Variants in FRS2 observed in about 807,000 individuals in gnomAD.
FRS2 encodes the protein fibroblast growth factor receptor substrate 2.
FRS2 carries 8 observed loss-of-function variants against 43.9 expected under a neutral mutation model. That is an observed-to-expected ratio of 0.18 (90% CI 0.11 to 0.33). FRS2 has a LOEUF of 0.33. Among genes scored for constraint, FRS2 ranks in the 10% least tolerant of loss-of-function variants. FRS2 has a pLI of 1.00. For synonymous variants in FRS2, 219 were observed against 220.3 expected, an observed-to-expected ratio of 0.99 and a Z score of 0.05; for missense variants, 534 against 627.6, an observed-to-expected ratio of 0.85 and a Z score of 1.59.
At chr12:69,568,938 GTCTTTT>G in intron 4 of FRS2, 61 bp from the exon 5 acceptor site, 1 of 718,714 alleles carries the variant, frequency 1.4e-6, no homozygotes, top group Non-Finnish European at 2.3e-6. Flanking sequence ...GATTTCTAAA[GTCTTTT>G]TCTGTTTACA....
intron 5 of FRS2, 24 bp from the exon 6 acceptor site, chr12:69,570,307 A>G (rs756299400): frequency 2.1e-5 from 33 of 1,578,182 alleles, no homozygotes; most frequent in Non-Finnish European, 2.9e-5. Context: ...ACATATTTGC[A>G]TGACTGTCAC....
chr12:69,491,156 C>T (rs552110770), intron 1 of FRS2, among the ~76,000 whole-genome samples: 5 of 152,220 alleles, frequency 3.3e-5, no homozygotes, highest in East Asian at 3.9e-4. Context: ...AGTGCAGTGG[C>T]GTAATCTTGG....
chr12:69,561,188 G>T (rs927419340), intron 3 of FRS2, among the ~76,000 whole-genome samples: 9 of 152,120 alleles, frequency 5.9e-5, no homozygotes, highest in African/African-American at 2.2e-4. Context: ...AAAAGAAAGG[G>T]TTAATAAAGA....
At position 69,577,070 on chromosome 12, in the gene FRS2, C is replaced by T. The variant is rs575033541; in HGVS notation, c.*2115C>T. 1.4e-4 allele frequency: 22 copies of T among 152,656 alleles called. No individual in the cohort carries two copies. The East Asian group carries it at 2.3e-3, about 16-fold the overall frequency. 9.5% of individuals were successfully genotyped at this position (152,656 alleles called of 1,614,324 possible). The stretch of plus-strand genomic sequence containing the variant: ...TTAATCTCCAAATGCAAGGGCTGAT[C>T]TATTTATTCATTTTGGAGGTTGGGT... On this transcript the variant is annotated 3_prime_UTR_variant, in exon 9 of 9. Coordinates refer to ENST00000549921, the MANE Select transcript of FRS2 (RefSeq NM_001278356.2).
At chr12:69,544,099 GCTTT>G (rs1242862830) in intron 3 of FRS2, among the ~76,000 whole-genome samples, 3 of 150,036 alleles carry the variant, frequency 2.0e-5, no homozygotes, top group African/African-American at 4.9e-5. Flanking sequence ...GGGTGGGGAG[GCTTT>G]CTTTTTTTTT....
In FRS2 at chr12:69,485,082, A is replaced by AACACACACACACACAC. The variant is rs71094716; in HGVS notation, c.-261+14591_-261+14606dup. Among the ~76,000 whole-genome samples the AACACACACACACACAC allele has an allele frequency of 5.3e-3, 450 of 85,288 alleles. 5 individuals are homozygous for AACACACACACACACAC. The highest frequency in any genetic ancestry group is 0.011 in the East Asian group (19 of 1,752). 56.0% of individuals were successfully genotyped at this position (85,288 alleles called of 152,430 possible). A position where few individuals can be genotyped will look rare whatever the true frequency, so the allele number is the denominator to read the frequency against. ...GAAACATAGTAAGACCTCATCTTAAAACACACACACACACACACACACACA... is the reference window on the plus strand; with the variant it reads ...GAAACATAGTAAGACCTCATCTTAAAACACACACACACACACACACACACACACACACACACACACA... On this transcript the variant is annotated intron_variant, in intron 1 of 8. Transcript: ENST00000549921.
chr12:69,574,531 A>C lies in FRS2; in HGVS notation c.1103A>C (p.Glu368Ala), dbSNP rs776621252. The change falls in exon 9 of 9, where the codon GAA becomes GCA. Residue 368 changes from glutamate (E) to alanine (A), a missense_variant. Glu to Ala is a moderately radical substitution (Grantham distance 107, BLOSUM62 -1). This residue lies in a region of FRS2 where 446 missense variants were observed against 494.2 expected (regional missense o/e 0.90). Coordinates refer to ENST00000549921, the MANE Select transcript of FRS2 (RefSeq NM_001278356.2). ...VWEARKLSRDEDDNLGPKTPS... is the reference protein window; with the variant it reads ...VWEARKLSRDADDNLGPKTPS... ...GAAGCCCGCAAGCTAAGTAGGGATG[A>C]AGATGACAATTTAGGACCAAAGACC... The C allele has an allele frequency of 6.2e-7, 1 of 1,614,178 alleles. No individual in the cohort carries two copies. Among genetic ancestry groups the C allele is most frequent in the South Asian group, 1.1e-5 (1 of 91,086 alleles).
chr12:69,532,407 G>A (rs1207303435), intron 3 of FRS2, among the ~76,000 whole-genome samples: 1 of 152,160 alleles, frequency 6.6e-6, no homozygotes, highest in East Asian at 1.9e-4. Flanking sequence ...GTGACTTGGA[G>A]GAGTAGAGGG....
In FRS2 at chr12:69,571,343, T is replaced by G; in HGVS notation, c.321T>G (p.Asn107Lys). ...ACATGTTGCAAGAGATTATGCAAAA[T>G]AATAGTATAAATGTGGTGGAAGAGC... Reference protein sequence around the residue: ...LFNMLQEIMQNNSINVVEEPV... With the variant: ...LFNMLQEIMQKNSINVVEEPV... The change falls in exon 7 of 9, where the codon AAT (asparagine) becomes AAG (lysine). Residue 107 changes from asparagine (N) to lysine (K), a missense_variant. Physicochemically the swap from Asn to Lys is moderately conservative, Grantham distance 94. Transcript: ENST00000549921. The G allele has an allele frequency of 6.2e-7, 1 of 1,609,264 alleles. No homozygotes were observed. Among genetic ancestry groups the G allele is most frequent in the Non-Finnish European group, 8.5e-7 (1 of 1,175,938 alleles).
At chr12:69,477,789 G>A (rs967978620) in intron 1 of FRS2, among the ~76,000 whole-genome samples, 1 of 150,116 alleles carries the variant, frequency 6.7e-6, no homozygotes, top group Admixed American at 6.6e-5. Context: ...TGCCCAGGCT[G>A]GAGTGCAGTG....
intron 1 of FRS2, among the ~76,000 whole-genome samples, chr12:69,488,827 G>C (rs1412580642): frequency 6.6e-6 from 1 of 152,128 alleles, no homozygotes; most frequent in Non-Finnish European, 1.5e-5. Context: ...GCATAAACTG[G>C]TTTGGGAATG....
intron 1 of FRS2, among the ~76,000 whole-genome samples, chr12:69,499,094 A>G (rs1194411984): frequency 6.6e-6 from 1 of 152,224 alleles, no homozygotes; most frequent in Non-Finnish European, 1.5e-5. Context: ...TATTGGTAGA[A>G]TTGGGGCTAG....
In FRS2 at chr12:69,574,134, GAGGACAGGGATCCTC is replaced by G. The variant is rs777480016; in HGVS notation, c.709_723del (p.Asp237_Gln241del). 2 of 1,614,112 alleles carry G rather than the reference GAGGACAGGGATCCTC, an allele frequency of 1.2e-6. No homozygotes were observed. Among genetic ancestry groups the G allele is most frequent in the Non-Finnish European group, 1.7e-6 (2 of 1,179,910 alleles). On this transcript the variant is annotated inframe_deletion, in exon 9 of 9. Coordinates refer to ENST00000549921, the MANE Select transcript of FRS2 (RefSeq NM_001278356.2). ...ACCAAAAGAAGAACCAAGTAGTATTGAGGACAGGGATCCTCAGATTCTTCTTGAACCTGAAGGAGT... is the reference window on the plus strand; with the variant it reads ...ACCAAAAGAAGAACCAAGTAGTATTGAGATTCTTCTTGAACCTGAAGGAGT...
At chr12:69,552,878 C>T (rs770010445) in intron 3 of FRS2, among the ~76,000 whole-genome samples, 14 of 147,536 alleles carry the variant, frequency 9.5e-5, no homozygotes, top group Admixed American at 2.0e-4. Context: ...GGTGACAGAG[C>T]GAGACTCCAT....
intron 1 of FRS2, among the ~76,000 whole-genome samples, chr12:69,476,947 C>T (rs548385943): frequency 2.6e-5 from 4 of 151,914 alleles, no homozygotes; most frequent in African/African-American, 9.7e-5. Context: ...TAGCTTGGAC[C>T]CTCTGTTAAT....
chr12:69,526,527 A>G (rs1876244779), intron 1 of FRS2, among the ~76,000 whole-genome samples: 1 of 152,242 alleles, frequency 6.6e-6, no homozygotes, highest in African/African-American at 2.4e-5. Flanking sequence ...AATAAAGCCA[A>G]TTAGTGTTAT....
intron 3 of FRS2, among the ~76,000 whole-genome samples, chr12:69,536,101 CTTTTTTTTTTTTTTTTTTTTTTT>C (rs71094720): frequency 8.1e-5 from 3 of 37,176 alleles, no homozygotes; most frequent in Admixed American, 4.0e-4. Context: ...TATTTTCATT[CTTTTTTTTTTTTTTTTTTTTTTT>C]TTTTTTTTTT....
chr12:69,545,956 T>G (rs1244786635), intron 3 of FRS2, among the ~76,000 whole-genome samples: 1 of 146,674 alleles, frequency 6.8e-6, no homozygotes, highest in Non-Finnish European at 1.5e-5. Flanking sequence ...ATACAAAAAT[T>G]AACTTAAAAT....
At chr12:69,545,710 C>G (rs1019414685) in intron 3 of FRS2, among the ~76,000 whole-genome samples, 1 of 137,314 alleles carries the variant, frequency 7.3e-6, no homozygotes, top group Admixed American at 8.2e-5. Context: ...GAGCTGAGAT[C>G]GTGCCACTGC....
Sources: allele counts gnomAD v4.1 joint callset (sites outside exome capture counted in the v4.1 genomes callset), GRCh38; gene constraint gnomAD v4.1.1; regional missense constraint gnomAD v4.1.1; transcripts MANE v1.5; gene names NCBI Gene and HGNC (gene_info 2026-07-23, HGNC 2026-07-21).